PLIN4: variants seen among roughly 807,000 people sequenced by gnomAD.
PLIN4 encodes perilipin-4.
PLIN4 carries 57 observed loss-of-function variants against 52.4 expected under a neutral mutation model. The ratio of observed to expected loss-of-function variants is 1.09; its 90% CI spans 0.88 to 1.36. PLIN4 has a LOEUF of 1.36. PLIN4 is among the 40% of genes most tolerant of loss of function. The probability of loss-of-function intolerance (pLI) is 0.00; values close to 1 mark genes in which losing one functional copy is unlikely to be tolerated. For synonymous variants in PLIN4, 826 were observed against 785.4 expected (o/e 1.05, Z -0.86); for missense variants, 1,757 against 1,770.3 (o/e 0.99, Z 0.13).
At chr19:4,505,610 G>A (rs771648664) in intron 6 of PLIN4, among the ~76,000 whole-genome samples, 1 of 152,112 alleles carries the variant, frequency 6.6e-6, no homozygotes, top group Non-Finnish European at 1.5e-5. Flanking sequence ...CTCTGTCCTC[G>A]TTGTTGCTGT....
At position 4,512,109 on chromosome 19, in the gene PLIN4, C is replaced by T. The variant is rs1178603081; in HGVS notation, c.1851G>A (p.Gln617=). The change falls in exon 5 of 8, where the codon CAG becomes CAA. Residue 617 remains glutamine, a synonymous_variant. Coordinates refer to ENST00000301286, the MANE Select transcript of PLIN4 (RefSeq NM_001367868.2). ...CAGTTTTGGTGGTGTCCATGCCTGT[C>T]TGGACGGTCCCTTTGGCGACATTCA... ...GAVNVAKGTV[Q]TGMDTTKTVL... 2 of 1,608,162 alleles carry T rather than the reference C, an allele frequency of 1.2e-6. No homozygotes were observed.
intron 3 of PLIN4, among the ~76,000 whole-genome samples, chr19:4,517,299 G>T (rs763026554): frequency 8.5e-6 from 1 of 117,084 alleles, no homozygotes; most frequent in South Asian, 2.9e-4. Context: ...AGTGCAGGGT[G>T]GGGGAACGGC....
At chr19:4,509,366 C>T (rs138423048) in intron 5 of PLIN4, among the ~76,000 whole-genome samples, 9,398 of 147,552 alleles carry the variant, frequency 0.064, 374 homozygotes, top group Non-Finnish European at 0.088. Context: ...CCCGTAATCA[C>T]AGCACATTGG....
At position 4,518,291 on chromosome 19, in the gene PLIN4, T is replaced by C. The variant is rs898828394; in HGVS notation, c.-17-2A>G. On this transcript the variant is annotated splice_acceptor_variant, in intron 1 of 7. Transcript: ENST00000301286. LOFTEE classifies it low-confidence loss of function (5UTR_SPLICE). Reference sequence around the variant, plus strand: ...CAGACATAGTGAGAACGTGAGAAGCTGGAAGGGGGCAGAGAAGGTGCGTGA... The same window carrying C: ...CAGACATAGTGAGAACGTGAGAAGCCGGAAGGGGGCAGAGAAGGTGCGTGA... 1.1e-5 allele frequency: 14 copies of C among 1,232,450 alleles called. No individual in the cohort carries two copies. The highest frequency in any genetic ancestry group is 3.1e-5 in the African/African-American group (2 of 64,416). 76.3% of individuals were successfully genotyped at this position (1,232,450 alleles called of 1,614,324 possible).
In PLIN4 at chr19:4,513,566, G is replaced by A. The variant is rs770421566; in HGVS notation, c.394C>T (p.Leu132Phe). ...QGGLDTTRSA[L>F]TGTKEVVSSG... ...GACACCACCTCCTTGGTGCCCGTAA[G>A]TGCAGACCGAGTGGTGTCCAGGCCT... The change falls in exon 5 of 8, where the codon CTT becomes TTT. Residue 132 changes from leucine (L) to phenylalanine (F), a missense_variant. Transcript: ENST00000301286. 2.1e-5 allele frequency: 34 copies of A among 1,606,582 alleles called. No individual in the cohort carries two copies. The African/African-American group carries it at 3.2e-4, about 15-fold the overall frequency.
chr19:4,511,850 G>A lies in PLIN4; in HGVS notation c.2110C>T (p.Leu704Phe). 6.2e-7 allele frequency: 1 copy of A among 1,609,706 alleles called. No individual in the cohort carries two copies. Among genetic ancestry groups the A allele is most frequent in the Non-Finnish European group, 8.5e-7 (1 of 1,176,788 alleles). The part of the protein sequence containing the change: ...TGTKDTVTTG[L>F]MGAVNVAKGT... Reference sequence around the variant, plus strand: ...TTGGCGACATTCACTGCCCCCATGAGCCCAGTAGTGACTGTGTCCTTGGTG... The same window carrying A: ...TTGGCGACATTCACTGCCCCCATGAACCCAGTAGTGACTGTGTCCTTGGTG... The change falls in exon 5 of 8, where the codon CTC becomes TTC. Residue 704 changes from leucine to phenylalanine, a missense_variant. Leu to Phe is a conservative substitution (Grantham distance 22). Coordinates refer to ENST00000301286, the MANE Select transcript of PLIN4 (RefSeq NM_001367868.2).
At chr19:4,505,066 G>A (rs1976052424) in intron 6 of PLIN4, 119 bp from the exon 7 acceptor site, 1 of 915,396 alleles carries the variant, frequency 1.1e-6, no homozygotes, top group Non-Finnish European at 1.7e-6. Context: ...AAGGCCACGA[G>A]TTCCAAGTCA....
In PLIN4 at chr19:4,504,742, C is replaced by T. The variant is rs200156188; in HGVS notation, c.3833G>A (p.Arg1278Gln). ...GCCACTGTAGGCCGTGTGCAGCTGC[C>T]GGAGAAGGCCGCAGACCCTGGACAG... ...GVLSRVCGLL[R>Q]QLHTAYSGLV... The change falls in exon 8 of 8, where the codon CGG becomes CAG. Residue 1278 changes from arginine to glutamine, a missense_variant. Physicochemically the swap from Arg to Gln is conservative, Grantham distance 43. Around this residue, in one of 7 missense-constraint regions of PLIN4, gnomAD observed 712 missense variants for 637.1 expected, o/e 1.12. Transcript: ENST00000301286. The T allele has an allele frequency of 1.3e-4, 202 of 1,599,384 alleles. 1 individual carries two copies. In the African/African-American group the frequency reaches 2.1e-3, roughly 16 times the overall value.
chr19:4,511,935 C>A lies in PLIN4; in HGVS notation c.2025G>T (p.Val675=). The A allele has an allele frequency of 6.3e-7, 1 of 1,598,000 alleles. No individual in the cohort carries two copies. The highest frequency in any genetic ancestry group is 8.6e-7 in the Non-Finnish European group (1 of 1,169,244). Reference sequence around the variant, plus strand: ...TCTGGGCAGCCCCTTTGGCCACATTCACAGCACTGGTCACCCCACTGCCAA... The same window carrying A: ...TCTGGGCAGCCCCTTTGGCCACATTAACAGCACTGGTCACCCCACTGCCAA... ...NTFGSGVTSA[V]NVAKGAAQTG... The change falls in exon 5 of 8, where the codon GTG becomes GTT. Residue 675 remains valine (V), a synonymous_variant. Coordinates refer to ENST00000301286, the MANE Select transcript of PLIN4 (RefSeq NM_001367868.2).
intron 5 of PLIN4, among the ~76,000 whole-genome samples, chr19:4,509,242 C>T (rs1272082469): frequency 4.0e-5 from 5 of 124,284 alleles, no homozygotes; most frequent in Admixed American, 9.5e-5. Context: ...ACCCGGGAGG[C>T]GGAGCTTGCA....
chr19:4,514,460 A>G (rs1480443729), intron 4 of PLIN4, among the ~76,000 whole-genome samples: 1 of 151,560 alleles, frequency 6.6e-6, no homozygotes, highest in Non-Finnish European at 1.5e-5. Flanking sequence ...AAATAATGAT[A>G]TACGCCTGTA....
rs1975942988 is a variant in PLIN4, at chr19:4,502,417, A to T, written c.*2042T>A. 2.9e-6 allele frequency: 1 copy of T among 339,354 alleles called. No homozygotes were observed. The highest frequency in any genetic ancestry group is 2.4e-5 in the South Asian group (1 of 41,286). 21.0% of individuals were successfully genotyped at this position (339,354 alleles called of 1,614,324 possible). On this transcript the variant is annotated 3_prime_UTR_variant, in exon 8 of 8. Transcript: ENST00000301286. ...GGCGGGAGCAAGCTCTTCCCAGGAGACAAGAGGGACAAACCAGGGCATCTA... is the reference window on the plus strand; with the variant it reads ...GGCGGGAGCAAGCTCTTCCCAGGAGTCAAGAGGGACAAACCAGGGCATCTA...
intron 6 of PLIN4, among the ~76,000 whole-genome samples, chr19:4,508,009 C>T (rs988421845): frequency 2.0e-5 from 3 of 152,150 alleles, no homozygotes; most frequent in East Asian, 1.9e-4. Flanking sequence ...TTCCTGCGTG[C>T]GTTGCAGCCC....
In PLIN4 at chr19:4,511,164, G is replaced by A. The variant is rs1379901569; in HGVS notation, c.2796C>T (p.Cys932=). The A allele has an allele frequency of 4.3e-6, 7 of 1,610,678 alleles. No homozygotes were observed. In the Admixed American group the frequency reaches 8.4e-5, roughly 19 times the overall value. ...TVLTGTKDTV[C]SGVTGAVNVA... ...CATTTACGGCACCAGTGACTCCACT[G>A]CAGACGGTGTCCTTGGTACCGGTCA... Residue 932 remains cysteine, a synonymous_variant, in exon 5 of 8, where the codon TGC becomes TGT. Coordinates refer to ENST00000301286, the MANE Select transcript of PLIN4 (RefSeq NM_001367868.2).
At chr19:4,513,991 C>T (rs144874524) in intron 4 of PLIN4, among the ~76,000 whole-genome samples, 16 of 152,356 alleles carry the variant, frequency 1.1e-4, no homozygotes, top group South Asian at 1.0e-3. Context: ...AGGCAGGCCT[C>T]GTCCATGACA....
At position 4,502,534 on chromosome 19, in the gene PLIN4, AG is replaced by A; in HGVS notation, c.*1924del. 1 of 258,634 alleles carries A rather than the reference AG, an allele frequency of 3.9e-6. No individual in the cohort carries two copies. Among genetic ancestry groups the A allele is most frequent in the Non-Finnish European group, 7.5e-6 (1 of 134,150 alleles). The allele number at this position is 258,634 out of a possible 1,614,324, so 16.0% of individuals were successfully genotyped here. On this transcript the variant is annotated 3_prime_UTR_variant, in exon 8 of 8. Coordinates refer to ENST00000301286, the MANE Select transcript of PLIN4 (RefSeq NM_001367868.2). ...CAGCCCAGGGTCCAGGCAGGTGAGC[AG>A]GTCCGATGTGGGGAGGACGAGGGTC...
chr19:4,507,374 C>T (rs1976126924), intron 6 of PLIN4, among the ~76,000 whole-genome samples: 1 of 152,242 alleles, frequency 6.6e-6, no homozygotes, highest in Non-Finnish European at 1.5e-5. Flanking sequence ...AAGCTCAAGA[C>T]CAGCCTGGGC....
Position 4,518,292 on chromosome 19 carries a change from G to GGAAGGGGGCAGAGAAGGTGCGT in PLIN4, c.-17-25_-17-4dup, listed in dbSNP as rs1976644245. On this transcript the variant is annotated splice_polypyrimidine_tract_variant and splice_region_variant and intron_variant, in intron 1 of 7. Coordinates refer to ENST00000301286, the MANE Select transcript of PLIN4 (RefSeq NM_001367868.2). ...AGACATAGTGAGAACGTGAGAAGCT[G>GGAAGGGGGCAGAGAAGGTGCGT]GAAGGGGGCAGAGAAGGTGCGTGAA... 1 of 1,232,476 alleles carries GGAAGGGGGCAGAGAAGGTGCGT rather than the reference G, an allele frequency of 8.1e-7. No individual in the cohort carries two copies. The allele number at this position is 1,232,476 out of a possible 1,614,324, so 76.3% of individuals were successfully genotyped here.
rs1238902460 is a variant in PLIN4 at position 4,512,137 on chromosome 19, G to A, written c.1823C>T (p.Ala608Val). 3.1e-6 allele frequency: 5 copies of A among 1,608,438 alleles called. No homozygotes were observed. The African/African-American group carries it at 4.1e-5, about 13-fold the overall frequency. The change falls in exon 5 of 8, where the codon GCA (alanine) becomes GTA (valine). Residue 608 changes from alanine (A) to valine (V), a missense_variant. Coordinates refer to ENST00000301286, the MANE Select transcript of PLIN4 (RefSeq NM_001367868.2). The part of the protein sequence containing the change: ...KDTVTTGLVG[A>V]VNVAKGTVQT... ...GACGGTCCCTTTGGCGACATTCACT[G>A]CCCCCACGAGCCCAGTAGTCACTGT...
Sources: gnomAD v4.1 joint callset for allele counts (sites outside exome capture counted in the v4.1 genomes callset) on GRCh38, gnomAD v4.1.1 for gene constraint, gnomAD v4.1.1 regional missense constraint, MANE v1.5 for transcripts, NCBI Gene and HGNC (gene_info 2026-07-23, HGNC 2026-07-21) for gene names.